The following RPS6KC1 variants were observed in gnomAD, a reference collection of about 807,000 sequenced individuals.
RPS6KC1 encodes the protein inactive ribosomal protein S6 kinase delta-1.
Under a neutral mutation model 103.8 loss-of-function variants are expected in RPS6KC1, and 54 were observed. The ratio of observed to expected loss-of-function variants is 0.52; its 90% CI spans 0.42 to 0.65. RPS6KC1 has a LOEUF of 0.65. Among genes scored for constraint, RPS6KC1 ranks in the 30% least tolerant of loss-of-function variants. RPS6KC1 has a pLI of 0.00. For synonymous variants in RPS6KC1, 439 were observed against 438.7 expected, an observed-to-expected ratio of 1.00 and a Z score of -0.01; for missense variants, 1,151 against 1,253.8, an observed-to-expected ratio of 0.92 and a Z score of 1.24.
intron 8 of RPS6KC1, among the ~76,000 whole-genome samples, chr1:213,177,877 A>G (rs887833768): frequency 3.9e-5 from 6 of 152,036 alleles, no homozygotes; most frequent in Non-Finnish European, 7.4e-5. Context: ...TTGAAGTCCT[A>G]GTAATAGCTA....
chr1:213,760,251 AC>A, the RPS6KC1 span, among the ~76,000 whole-genome samples: 2 of 152,174 alleles, frequency 1.3e-5, no homozygotes, highest in Non-Finnish European at 2.9e-5. Flanking sequence ...ACACATACAT[AC>A]ACACACACCA....
chr1:213,412,785 G>A, the RPS6KC1 span, among the ~76,000 whole-genome samples: 4 of 152,336 alleles, frequency 2.6e-5, no homozygotes, highest in Non-Finnish European at 5.9e-5. Context: ...CAAGTTGGCT[G>A]CTTCTCTGTT....
chr1:213,499,729 C>T, the RPS6KC1 span, among the ~76,000 whole-genome samples: 1 of 151,916 alleles, frequency 6.6e-6, no homozygotes, highest in Non-Finnish European at 1.5e-5. Flanking sequence ...ATGGTATAGT[C>T]TACTACACAC....
At chr1:213,434,856 G>C in the RPS6KC1 span, among the ~76,000 whole-genome samples, 1 of 151,922 alleles carries the variant, frequency 6.6e-6, no homozygotes, top group African/African-American at 2.4e-5. Context: ...TATGTGCCTT[G>C]TTGTATTTTT....
chr1:213,581,968 T>C, the RPS6KC1 span, among the ~76,000 whole-genome samples: 14 of 152,098 alleles, frequency 9.2e-5, no homozygotes, highest in Admixed American at 2.6e-4. Flanking sequence ...TCCGTCAGAC[T>C]TCCTCTGTGA....
chr1:213,249,590 C>A (rs1009360032), intron 12 of RPS6KC1, among the ~76,000 whole-genome samples: 2 of 152,178 alleles, frequency 1.3e-5, no homozygotes, highest in Non-Finnish European at 2.9e-5. Context: ...TAGCCTTTTT[C>A]TCATCAATCA....
At chr1:213,778,670 G>A in the RPS6KC1 span, among the ~76,000 whole-genome samples, 2 of 151,952 alleles carry the variant, frequency 1.3e-5, no homozygotes, top group African/African-American at 2.4e-5. Flanking sequence ...TAGGGAAGTC[G>A]AGTGAGTACA....
chr1:213,805,500 C>T, the RPS6KC1 span, among the ~76,000 whole-genome samples: 2 of 152,222 alleles, frequency 1.3e-5, no homozygotes, highest in African/African-American at 4.8e-5. Flanking sequence ...TAAGAAGCAA[C>T]TCCTCGTCCA....
the RPS6KC1 span, among the ~76,000 whole-genome samples, chr1:213,634,838 G>GT: frequency 6.6e-6 from 1 of 151,546 alleles, no homozygotes; most frequent in Non-Finnish European, 1.5e-5. Context: ...CCGGGAGCTG[G>GT]TTTTTTGAAA....
At chr1:213,697,526 T>C in the RPS6KC1 span, among the ~76,000 whole-genome samples, 1 of 152,212 alleles carries the variant, frequency 6.6e-6, no homozygotes, top group Non-Finnish European at 1.5e-5. Context: ...TGAACTTCCA[T>C]GTACTTCAGA....
the RPS6KC1 span, among the ~76,000 whole-genome samples, chr1:213,858,368 C>G: frequency 1.3e-5 from 2 of 152,136 alleles, no homozygotes; most frequent in South Asian, 4.1e-4. Context: ...CCAAGCTCCT[C>G]AAGGCTCTTT....
chr1:213,067,761 C>T (rs919777023), intron 1 of RPS6KC1, among the ~76,000 whole-genome samples: 2 of 152,104 alleles, frequency 1.3e-5, no homozygotes, highest in African/African-American at 4.8e-5. Context: ...GTATGTAAAC[C>T]ACTAAGAGGA....
At chr1:213,493,071 T>A in the RPS6KC1 span, among the ~76,000 whole-genome samples, 4 of 152,220 alleles carry the variant, frequency 2.6e-5, no homozygotes, top group Admixed American at 6.5e-5. Context: ...AGACATTATT[T>A]GTAGTCAGTC....
the RPS6KC1 span, among the ~76,000 whole-genome samples, chr1:213,695,710 G>A: frequency 6.6e-6 from 1 of 152,222 alleles, no homozygotes; most frequent in Non-Finnish European, 1.5e-5. Context: ...CCTTCACTCA[G>A]GATAGGTTGT....
chr1:213,247,867 T>C (rs1434416149), intron 12 of RPS6KC1, among the ~76,000 whole-genome samples: 1 of 152,194 alleles, frequency 6.6e-6, no homozygotes, highest in Non-Finnish European at 1.5e-5. Context: ...TAAAAAATTA[T>C]TTCATTAGGA....
the RPS6KC1 span, among the ~76,000 whole-genome samples, chr1:213,522,552 C>G: frequency 6.6e-6 from 1 of 152,236 alleles, no homozygotes; most frequent in Non-Finnish European, 1.5e-5. Context: ...ATAGCATCTT[C>G]TTCCAATAGA....
the RPS6KC1 span, among the ~76,000 whole-genome samples, chr1:213,475,173 T>C: frequency 6.6e-6 from 1 of 152,212 alleles, no homozygotes; most frequent in Admixed American, 6.5e-5. Flanking sequence ...ACAGACTTCT[T>C]ACCCCGGCAC....
the RPS6KC1 span, among the ~76,000 whole-genome samples, chr1:213,504,856 T>A: frequency 6.6e-6 from 1 of 152,150 alleles, no homozygotes; most frequent in Non-Finnish European, 1.5e-5. Flanking sequence ...ACATAAAATT[T>A]CTTATTTAGG....
chr1:213,652,671 A>G, the RPS6KC1 span, among the ~76,000 whole-genome samples: 2 of 152,160 alleles, frequency 1.3e-5, no homozygotes, highest in Admixed American at 1.3e-4. Context: ...CCACCCTGTG[A>G]AGAAGCTGGT....
Sources: allele counts gnomAD v4.1 joint callset (sites outside exome capture counted in the v4.1 genomes callset), GRCh38; gene constraint gnomAD v4.1.1; transcripts MANE v1.5; gene names NCBI Gene and HGNC (gene_info 2026-07-23, HGNC 2026-07-21).